The following DENND1A variants were observed in gnomAD, a reference collection of about 807,000 sequenced individuals.
DENND1A encodes the protein DENN domain containing 1A, also known as DENN domain-containing protein 1A.
A neutral mutation model predicts 113.7 loss-of-function variants in DENND1A; 51 were observed. The ratio of observed to expected loss-of-function variants is 0.45; its 90% CI spans 0.36 to 0.57. The LOEUF is 0.57. Among genes scored for constraint, DENND1A ranks in the 20% least tolerant of loss-of-function variants. The probability of loss-of-function intolerance (pLI) is 0.00; values close to 1 mark genes in which losing one functional copy is unlikely to be tolerated. For missense variants in DENND1A, 1,258 were observed against 1,395.9 expected, an observed-to-expected ratio of 0.90 and a Z score of 1.57; for synonymous variants, 565 against 570.8, an observed-to-expected ratio of 0.99 and a Z score of 0.14.
At chr9:123,755,068 T>C (rs1194461970) in intron 5 of DENND1A, among the ~76,000 whole-genome samples, 1 of 151,724 alleles carries the variant, frequency 6.6e-6, no homozygotes, top group East Asian at 1.9e-4. Context: ...AATGAATACA[T>C]AGTTCACCTT....
At chr9:123,648,021 A>C (rs750710369) in intron 9 of DENND1A, among the ~76,000 whole-genome samples, 1 of 152,192 alleles carries the variant, frequency 6.6e-6, no homozygotes, top group Non-Finnish European at 1.5e-5. Flanking sequence ...TACATTTCCA[A>C]TATAACACCT....
At chr9:123,471,401 G>A (rs1249481216) in intron 13 of DENND1A, among the ~76,000 whole-genome samples, 1 of 152,188 alleles carries the variant, frequency 6.6e-6, no homozygotes, top group Non-Finnish European at 1.5e-5. Flanking sequence ...GAGGGGCTAA[G>A]AAAGGATCTG....
In DENND1A at chr9:123,731,621, G is replaced by A. The variant is rs563170340; in HGVS notation, c.302+26082C>T. ...AAAACATAAAACTATAAAACTTTGA[G>A]AAGAAAAGATAGGAGAAAATCTTTG... On this transcript the variant is annotated intron_variant, in intron 5 of 23. Transcript: ENST00000394215. Among the ~76,000 whole-genome samples the A allele has an allele frequency of 2.0e-5, 3 of 152,234 alleles. No homozygotes were observed. The South Asian group carries it at 6.2e-4, about 32-fold the overall frequency.
At chr9:123,923,804 G>A (rs1856666816) in intron 1 of DENND1A, among the ~76,000 whole-genome samples, 1 of 151,958 alleles carries the variant, frequency 6.6e-6, no homozygotes. Flanking sequence ...AACTCATTTG[G>A]GCCAAATCAA....
intron 13 of DENND1A, among the ~76,000 whole-genome samples, chr9:123,470,542 T>A (rs1588689570): frequency 6.6e-6 from 1 of 152,142 alleles, no homozygotes; most frequent in Admixed American, 6.5e-5. Context: ...AGGGACCTGA[T>A]AGGCCCCTAG....
chr9:123,619,427 T>C (rs137970343), intron 10 of DENND1A, among the ~76,000 whole-genome samples: 2 of 149,628 alleles, frequency 1.3e-5, no homozygotes, highest in African/African-American at 2.6e-5. Context: ...GATTGATTGA[T>C]TGATTGATTG....
chr9:123,584,247 T>A (rs1212066908), intron 11 of DENND1A, among the ~76,000 whole-genome samples: 1 of 152,236 alleles, frequency 6.6e-6, no homozygotes, highest in African/African-American at 2.4e-5. Flanking sequence ...TACATTTGGA[T>A]GTGAAAGACC....
intron 9 of DENND1A, among the ~76,000 whole-genome samples, chr9:123,646,262 C>G (rs2062318770): frequency 6.6e-6 from 1 of 152,112 alleles, no homozygotes. Flanking sequence ...ACAAGTCCAC[C>G]TGTTTTAGTG....
intron 11 of DENND1A, among the ~76,000 whole-genome samples, chr9:123,604,527 T>C (rs2060065136): frequency 6.6e-6 from 1 of 152,200 alleles, no homozygotes. Flanking sequence ...GGAATGTATA[T>C]TGTGTCCCCA....
intron 1 of DENND1A, among the ~76,000 whole-genome samples, chr9:123,883,681 A>T (rs1050932044): frequency 6.6e-6 from 1 of 152,212 alleles, no homozygotes; most frequent in Non-Finnish European, 1.5e-5. Flanking sequence ...CGTTTGCAAT[A>T]AAAGATAAAT....
chr9:123,795,259 A>C (rs1241231586), intron 2 of DENND1A, among the ~76,000 whole-genome samples: 1 of 152,242 alleles, frequency 6.6e-6, no homozygotes, highest in African/African-American at 2.4e-5. Context: ...AAAACTACGA[A>C]AGCCATTTTG....
intron 13 of DENND1A, among the ~76,000 whole-genome samples, chr9:123,460,001 T>A (rs1444049859): frequency 6.6e-6 from 1 of 152,146 alleles, no homozygotes; most frequent in Admixed American, 6.5e-5. Context: ...AAGAAAAACA[T>A]CAGGGCTGCC....
chr9:123,428,320 A>G (rs1269646968), intron 19 of DENND1A, among the ~76,000 whole-genome samples: 1 of 152,234 alleles, frequency 6.6e-6, no homozygotes, highest in Non-Finnish European at 1.5e-5. Flanking sequence ...ATCTCAATAG[A>G]TGCAGAAAAG....
intron 13 of DENND1A, among the ~76,000 whole-genome samples, chr9:123,498,389 G>T (rs2052139191): frequency 6.6e-6 from 1 of 152,212 alleles, no homozygotes; most frequent in South Asian, 2.1e-4. Context: ...GTCAACAGCA[G>T]AGCTTGTCCA....
At chr9:123,805,578 C>T (rs1314836221) in intron 2 of DENND1A, among the ~76,000 whole-genome samples, 4 of 151,700 alleles carry the variant, frequency 2.6e-5, no homozygotes, top group East Asian at 1.9e-4. Flanking sequence ...GGATTACAGG[C>T]GCCTGCCACC....
At chr9:123,878,352 A>G (rs1847825596) in intron 2 of DENND1A, among the ~76,000 whole-genome samples, 2 of 127,702 alleles carry the variant, frequency 1.6e-5, no homozygotes, top group Admixed American at 1.4e-4. Flanking sequence ...TAACCAAGAA[A>G]GATTTTAAGA....
At chr9:123,398,587 C>A (rs1203078224) in intron 21 of DENND1A, among the ~76,000 whole-genome samples, 2 of 151,954 alleles carry the variant, frequency 1.3e-5, no homozygotes, top group Non-Finnish European at 2.9e-5. Flanking sequence ...CTGTGTTAGC[C>A]AGGATGGTCT....
chr9:123,749,260 G>A (rs1265275016), intron 5 of DENND1A, among the ~76,000 whole-genome samples: 1 of 152,176 alleles, frequency 6.6e-6, no homozygotes, highest in Non-Finnish European at 1.5e-5. Context: ...CATTATTTCT[G>A]AAAGCTCTTT....
chr9:123,442,841 G>A (rs1365613546), intron 18 of DENND1A, among the ~76,000 whole-genome samples: 1 of 152,060 alleles, frequency 6.6e-6, no homozygotes, highest in Non-Finnish European at 1.5e-5. Flanking sequence ...TTTGCAATGG[G>A]AGACTACCAC....
Sources: allele counts gnomAD v4.1 joint callset (sites outside exome capture counted in the v4.1 genomes callset), GRCh38; gene constraint gnomAD v4.1.1; transcripts MANE v1.5; gene names NCBI Gene and HGNC (gene_info 2026-07-23, HGNC 2026-07-21).